Variants in GPC3 observed in about 807,000 individuals in gnomAD.
The protein encoded by GPC3 is glypican 3.
GPC3 carries 3 observed loss-of-function variants against 34.4 expected under a neutral mutation model. The ratio of observed to expected loss-of-function variants is 0.09; its 90% CI spans 0.04 to 0.23. GPC3 has a LOEUF of 0.23. Among genes scored for constraint, GPC3 ranks in the 10% least tolerant of loss-of-function variants. The pLI is 1.00. For missense variants in GPC3, 351 were observed against 445.6 expected (o/e 0.79, Z 1.91); for synonymous variants, 177 against 174.0 (o/e 1.02, Z -0.13).
At chrX:133,575,019 G>T (rs1218010954) in intron 7 of GPC3, among the ~76,000 whole-genome samples, 1 of 112,303 alleles carries the variant, frequency 8.9e-6, no homozygotes, top group Non-Finnish European at 1.9e-5. Context: ...AGAAAGGGAA[G>T]TGGTAGAGCA....
At chrX:133,814,859 T>C (rs946758096) in intron 2 of GPC3, among the ~76,000 whole-genome samples, 2 of 111,705 alleles carry the variant, frequency 1.8e-5, no homozygotes, top group Non-Finnish European at 3.8e-5. Flanking sequence ...TGAGCCACTG[T>C]GCGTGACCCA....
chrX:133,620,638 C>G (rs2070222363), intron 6 of GPC3, among the ~76,000 whole-genome samples: 1 of 111,142 alleles, frequency 9.0e-6, no homozygotes, highest in South Asian at 3.8e-4. Context: ...TCATTATACC[C>G]TCCTCCCACC....
intron 2 of GPC3, among the ~76,000 whole-genome samples, chrX:133,847,625 C>T (rs773658847): frequency 2.7e-5 from 3 of 112,202 alleles, no homozygotes; most frequent in African/African-American, 6.5e-5. Flanking sequence ...ACACACGTAT[C>T]TACAAACAGG....
In GPC3 at chrX:133,774,601, T is replaced by C. The variant is rs1460080123; in HGVS notation, c.338-20425A>G. ...TATAAATAGGGTATTATAAATAAAA[T>C]ATTATAATAATAGCTAACATTTATT... On this transcript the variant is annotated intron_variant, in intron 2 of 7. Coordinates refer to ENST00000370818, the MANE Select transcript of GPC3 (RefSeq NM_004484.4). Among the ~76,000 whole-genome samples, 4 of 111,509 alleles carry C rather than the reference T, an allele frequency of 3.6e-5. No homozygotes were observed. The East Asian group carries it at 1.1e-3, about 31-fold the overall frequency.
At chrX:133,871,452 G>C (rs1366958142) in intron 2 of GPC3, among the ~76,000 whole-genome samples, 1 of 111,649 alleles carries the variant, frequency 9.0e-6, no homozygotes, top group African/African-American at 3.3e-5. Context: ...TTCTATGTGA[G>C]AGACATCATG....
chrX:133,609,261 G>A (rs1405252774), intron 6 of GPC3, among the ~76,000 whole-genome samples: 1 of 112,492 alleles, frequency 8.9e-6, no homozygotes, highest in African/African-American at 3.2e-5. Context: ...TTTGTAACAT[G>A]TTGGTCACAG....
At chrX:133,818,892 GTTATGTTTATCATAACATGGAAA>G (rs1237432305) in intron 2 of GPC3, among the ~76,000 whole-genome samples, 2 of 110,391 alleles carry the variant, frequency 1.8e-5, no homozygotes, top group East Asian at 5.7e-4. Context: ...ATGTTTCCAT[GTTATGTTTATCATAACATGGAAA>G]GTTAGGATGA....
chrX:133,570,186 C>T (rs1289479243), intron 7 of GPC3, among the ~76,000 whole-genome samples: 1 of 109,664 alleles, frequency 9.1e-6, no homozygotes, highest in Non-Finnish European at 1.9e-5. Flanking sequence ...CCACCGCGCC[C>T]GGCCTGTTTG....
At chrX:133,617,458 T>A (rs749565329) in intron 6 of GPC3, among the ~76,000 whole-genome samples, 102 of 112,168 alleles carry the variant, frequency 9.1e-4, no homozygotes, top group Non-Finnish European at 1.8e-3. Context: ...TGGTATTAGG[T>A]TGGTACAAAA....
chrX:133,918,164 T>C (rs181109938), intron 2 of GPC3, among the ~76,000 whole-genome samples: 40 of 112,360 alleles, frequency 3.6e-4, no homozygotes, highest in African/African-American at 1.2e-3. Flanking sequence ...GATAACATGA[T>C]TGGTTTTATT....
At chrX:133,611,896 C>G (rs1173623148) in intron 6 of GPC3, among the ~76,000 whole-genome samples, 1 of 111,863 alleles carries the variant, frequency 8.9e-6, no homozygotes, top group Admixed American at 9.4e-5. Flanking sequence ...TGTAGTGATA[C>G]CACAAGTTTG....
chrX:133,768,425 T>C lies in GPC3; in HGVS notation c.338-14249A>G, dbSNP rs1036277616. ...TGTATCCAAAACTAGAGTATATACATACCTGAACACTACCTATGATGACTC... is the reference window on the plus strand; with the variant it reads ...TGTATCCAAAACTAGAGTATATACACACCTGAACACTACCTATGATGACTC... On this transcript the variant is annotated intron_variant, in intron 2 of 7. Coordinates refer to ENST00000370818, the MANE Select transcript of GPC3 (RefSeq NM_004484.4). Among the ~76,000 whole-genome samples, 3 of 111,122 alleles carry C rather than the reference T, an allele frequency of 2.7e-5. No homozygotes were observed. In the Admixed American group the frequency reaches 2.9e-4, roughly 11 times the overall value.
At chrX:133,824,170 A>G (rs2075734729) in intron 2 of GPC3, among the ~76,000 whole-genome samples, 1 of 111,676 alleles carries the variant, frequency 9.0e-6, no homozygotes, top group Admixed American at 9.5e-5. Flanking sequence ...GAGAAACAGA[A>G]AGGAAAAAAC....
At chrX:133,976,314 C>G (rs2076514555) in intron 1 of GPC3, among the ~76,000 whole-genome samples, 1 of 111,916 alleles carries the variant, frequency 8.9e-6, no homozygotes, top group African/African-American at 3.2e-5. Flanking sequence ...TCAGAAGTGA[C>G]AGACACTTTA....
rs1282213093 is a variant in GPC3 at position 133,850,189 on chromosome X, G to GT, written c.338-96014dup. On this transcript the variant is annotated intron_variant, in intron 2 of 7. Coordinates refer to ENST00000370818, the MANE Select transcript of GPC3 (RefSeq NM_004484.4). ...GGTATTTTTTTTGTTTGTTTTTTGG[G>GT]TTTTGTTTTTTTTTTTTTTTTTTTG... is the stretch of plus-strand genomic sequence containing the variant. Among the ~76,000 whole-genome samples, 374 of 72,556 alleles carry GT rather than the reference G, an allele frequency of 5.2e-3. 9 individuals carry two copies. The highest frequency in any genetic ancestry group is 0.016 in the African/African-American group (216 of 13,102). 63.0% of individuals were successfully genotyped at this position (72,556 alleles called of 115,157 possible). A position where few individuals can be genotyped will look rare whatever the true frequency, so the allele number is the denominator to read the frequency against.
Position 133,753,483 on chromosome X carries a change from G to A in GPC3, c.1031C>T (p.Thr344Ile), listed in dbSNP as rs768328829. The change falls in exon 3 of 8, where the codon ACT (threonine) becomes ATT (isoleucine). Residue 344 changes from threonine (T) to isoleucine (I), a missense_variant and splice_region_variant. Thr to Ile is a moderately conservative substitution (Grantham distance 89). Transcript: ENST00000370818. ...TGACAACTGTAGACTGGTACTCACA[G>A]TGGTGGTCAGCTTTCCTGCATTCTT... ...VQKNAGKLTT[T>I]IGKLCAHSQQ... 7.5e-6 allele frequency: 9 copies of A among 1,202,104 alleles called. No individual in the cohort carries two copies. Among genetic ancestry groups the A allele is most frequent in the Non-Finnish European group, 1.0e-5 (9 of 886,759 alleles).
Position 133,888,577 on chromosome X carries a change from C to A in GPC3, c.337+64473G>T, listed in dbSNP as rs1174945017. On this transcript the variant is annotated intron_variant, in intron 2 of 7. Transcript: ENST00000370818. ...CATTCCTATTTTTCCACAACCTCTC[C>A]AGCATCTGTTGTTTCCTGACTTTTT... 1.4e-4 allele frequency among the ~76,000 whole-genome samples: 16 copies of A among 112,108 alleles called. No homozygotes were observed. The East Asian group carries it at 4.2e-3, about 30-fold the overall frequency.
chrX:133,590,246 C>T (rs1353523146), intron 7 of GPC3, among the ~76,000 whole-genome samples: 5 of 111,653 alleles, frequency 4.5e-5, no homozygotes, highest in Non-Finnish European at 7.5e-5. Context: ...TCGGACTTCC[C>T]AGCCACCAGA....
intron 6 of GPC3, among the ~76,000 whole-genome samples, chrX:133,626,725 T>A (rs951041769): frequency 1.9e-5 from 2 of 107,113 alleles, no homozygotes; most frequent in African/African-American, 6.8e-5. Context: ...TGGGACTGTA[T>A]ACTAGATCAA....
Sources: gnomAD v4.1 joint callset for allele counts (sites outside exome capture counted in the v4.1 genomes callset) on GRCh38, gnomAD v4.1.1 for gene constraint, MANE v1.5 for transcripts, NCBI Gene and HGNC (gene_info 2026-07-23, HGNC 2026-07-21) for gene names.